ABI3BP: variants seen among roughly 807,000 people sequenced by gnomAD.
The protein encoded by ABI3BP is ABI family member 3 binding protein.
A neutral mutation model predicts 268.6 loss-of-function variants in ABI3BP; 216 were observed. That is an observed-to-expected ratio of 0.80 (90% CI 0.72 to 0.90). The LOEUF (loss-of-function observed/expected upper bound fraction) is 0.90, where lower values mean the gene tolerates loss of function less well. Ranked by LOEUF, ABI3BP falls within the 40% of genes least tolerant of loss-of-function variation. The pLI is 0.00. For missense variants in ABI3BP, 2,090 were observed against 2,182.4 expected (o/e 0.96, Z 0.84); for synonymous variants, 730 against 730.0 (o/e 1.00, Z 0.00).
intron 38 of ABI3BP, among the ~76,000 whole-genome samples, chr3:100,821,831 G>C (rs1424810486): frequency 6.6e-6 from 1 of 151,898 alleles, no homozygotes; most frequent in African/African-American, 2.4e-5. Context: ...TTGAACTCCT[G>C]ACCTCATGAT....
At position 100,977,720 on chromosome 3, in the gene ABI3BP, G is replaced by A. The variant is rs148833450; in HGVS notation, c.79+15586C>T. The stretch of plus-strand genomic sequence containing the variant: ...CCATATTTAATGAGTACACAGCCCA[G>A]CCTTGATTCAGTGTGCAAGGGGACT... On this transcript the variant is annotated intron_variant, in intron 1 of 67. Transcript: ENST00000471714. 4.5e-3 allele frequency among the ~76,000 whole-genome samples: 691 copies of A among 152,292 alleles called. 8 individuals carry two copies. Among genetic ancestry groups the A allele is most frequent in the African/African-American group, 0.016 (651 of 41,546 alleles).
Position 100,863,611 on chromosome 3 carries a change from C to T in ABI3BP, c.1138+391G>A, listed in dbSNP as rs558272922. Reference sequence around the variant, plus strand: ...GCTTACAGGCATGAGCCGCTGCACCCTGCCCTCATTTTTCTCATACTTCAC... The same window carrying T: ...GCTTACAGGCATGAGCCGCTGCACCTTGCCCTCATTTTTCTCATACTTCAC... On this transcript the variant is annotated intron_variant, in intron 12 of 67. Coordinates refer to ENST00000471714, the MANE Select transcript of ABI3BP (RefSeq NM_001375547.2). 4.8e-5 allele frequency: 9 copies of T among 187,518 alleles called. No individual in the cohort carries two copies. In the South Asian group the frequency reaches 9.6e-4, roughly 20 times the overall value. The allele number at this position is 187,518 out of a possible 1,614,324, so 11.6% of individuals were successfully genotyped here. A position where few individuals can be genotyped will look rare whatever the true frequency, so the allele number is the denominator to read the frequency against.
At chr3:100,862,415 AG>A in intron 13 of ABI3BP, 30 bp from the exon 14 acceptor site, 1 of 1,484,666 alleles carries the variant, frequency 6.7e-7, no homozygotes. Context: ...AATTTGCTGA[AG>A]ATTTTTTTTT....
At chr3:100,880,023 T>C (rs555440267) in intron 6 of ABI3BP, among the ~76,000 whole-genome samples, 1 of 152,236 alleles carries the variant, frequency 6.6e-6, no homozygotes, top group Non-Finnish European at 1.5e-5. Context: ...ATTTCCAAGA[T>C]ACAGTGTTTA....
At chr3:100,758,201 C>G (rs2095738235) in intron 63 of ABI3BP, among the ~76,000 whole-genome samples, 1 of 152,178 alleles carries the variant, frequency 6.6e-6, no homozygotes, top group Non-Finnish European at 1.5e-5. Context: ...CAGAAAGATT[C>G]ACAGCTCACT....
intron 65 of ABI3BP, among the ~76,000 whole-genome samples, chr3:100,753,291 A>G (rs935798023): frequency 6.6e-6 from 1 of 151,702 alleles, no homozygotes; most frequent in Non-Finnish European, 1.5e-5. Flanking sequence ...AGTGGAAATG[A>G]GGGTGTTAAT....
At chr3:100,839,477 G>T (rs891315342) in intron 24 of ABI3BP, 92 bp downstream of exon 24, 14 of 1,283,182 alleles carry the variant, frequency 1.1e-5, no homozygotes, top group Non-Finnish European at 1.4e-5. Flanking sequence ...CTGTGATGAG[G>T]TGGTGGAACT....
intron 41 of ABI3BP, 60 bp from the exon 42 acceptor site, chr3:100,817,555 C>A: frequency 7.9e-7 from 1 of 1,270,806 alleles, no homozygotes; most frequent in Non-Finnish European, 1.1e-6. Context: ...TTTCACAGTT[C>A]AATTTTTAAG....
At chr3:100,809,847 A>G (rs1257660724) in intron 49 of ABI3BP, among the ~76,000 whole-genome samples, 7 of 152,156 alleles carry the variant, frequency 4.6e-5, no homozygotes, top group Non-Finnish European at 1.0e-4. Flanking sequence ...ACTACTATGT[A>G]AAGCTTTGTG....
chr3:100,986,426 T>C (rs900332256), intron 1 of ABI3BP, among the ~76,000 whole-genome samples: 1 of 152,182 alleles, frequency 6.6e-6, no homozygotes, highest in African/African-American at 2.4e-5. Flanking sequence ...AAATGTGTGT[T>C]GATAATTTTG....
At chr3:100,992,488 C>T (rs1017665697) in intron 1 of ABI3BP, among the ~76,000 whole-genome samples, 2 of 152,192 alleles carry the variant, frequency 1.3e-5, no homozygotes, top group Non-Finnish European at 2.9e-5. Flanking sequence ...ATCCTGCTGA[C>T]TACAGCAGTC....
At chr3:100,958,129 C>A (rs1364980586) in intron 1 of ABI3BP, among the ~76,000 whole-genome samples, 3 of 152,182 alleles carry the variant, frequency 2.0e-5, no homozygotes, top group African/African-American at 7.2e-5. Context: ...GAACTCATCC[C>A]TAATAGACTA....
intron 61 of ABI3BP, among the ~76,000 whole-genome samples, chr3:100,771,394 TA>T (rs538470699): frequency 8.1e-5 from 12 of 147,888 alleles, no homozygotes; most frequent in South Asian, 2.1e-4. Flanking sequence ...TAGGAATAAT[TA>T]AAAAAAAAAT....
rs190025739 is a variant in ABI3BP, at chr3:100,817,752, T to C, written c.3089-257A>G. Among the ~76,000 whole-genome samples the C allele has an allele frequency of 2.4e-4, 37 of 152,344 alleles. No homozygotes were observed. In the East Asian group the frequency reaches 6.9e-3, roughly 29 times the overall value. On this transcript the variant is annotated intron_variant, in intron 41 of 67. Transcript: ENST00000471714. ...CTTGCTACACATTAGTGGAAGATTGTTGGACAAGCTTTTTACACATTTGCA... is the reference window on the plus strand; with the variant it reads ...CTTGCTACACATTAGTGGAAGATTGCTGGACAAGCTTTTTACACATTTGCA...
chr3:100,866,932 G>A lies in ABI3BP; in HGVS notation c.935C>T (p.Pro312Leu). ...AACCTCTGGTGTTTTAGATTCGGCA[G>A]GTAATGCCAAGGTTTCATTCTTAGC... The part of the protein sequence containing the change: ...QLAKNETLAL[P>L]AESKTPEVEK... Residue 312 changes from proline to leucine, a missense_variant, in exon 10 of 68, where the codon CCT becomes CTT. Coordinates refer to ENST00000471714, the MANE Select transcript of ABI3BP (RefSeq NM_001375547.2). The A allele has an allele frequency of 6.2e-7, 1 of 1,613,802 alleles. No individual in the cohort carries two copies. Among genetic ancestry groups the A allele is most frequent in the Non-Finnish European group, 8.5e-7 (1 of 1,179,782 alleles).
intron 4 of ABI3BP, among the ~76,000 whole-genome samples, chr3:100,894,958 A>AAAAAACAAAAACAAAAAC (rs1481682658): frequency 1.7e-4 from 24 of 144,098 alleles, no homozygotes; most frequent in Non-Finnish European, 3.2e-4. Context: ...AAAAAAAAAA[A>AAAAAACAAAAACAAAAAC]AAAAAAAAAC....
intron 55 of ABI3BP, among the ~76,000 whole-genome samples, chr3:100,790,484 C>T (rs1447748653): frequency 1.3e-5 from 2 of 151,928 alleles, no homozygotes; most frequent in African/African-American, 2.4e-5. Context: ...ATCAGCAATG[C>T]CTTGCCTACT....
chr3:100,933,230 A>G (rs1163141295), intron 1 of ABI3BP, among the ~76,000 whole-genome samples: 2 of 152,010 alleles, frequency 1.3e-5, no homozygotes, highest in African/African-American at 4.8e-5. Flanking sequence ...ATTATTCTAA[A>G]TAGCACATAT....
intron 9 of ABI3BP, among the ~76,000 whole-genome samples, chr3:100,872,978 TAC>T (rs972266265): frequency 2.6e-5 from 4 of 152,156 alleles, no homozygotes; most frequent in African/African-American, 9.7e-5. Flanking sequence ...TGTTGAACCA[TAC>T]GTTTTGGAAA....
Sources: gnomAD v4.1 joint callset for allele counts (sites outside exome capture counted in the v4.1 genomes callset) on GRCh38, gnomAD v4.1.1 for gene constraint, MANE v1.5 for transcripts, NCBI Gene and HGNC (gene_info 2026-07-23, HGNC 2026-07-21) for gene names.